The following PATJ variants were observed in gnomAD, a reference collection of about 807,000 sequenced individuals.
The protein encoded by PATJ is PATJ crumbs cell polarity complex component.
PATJ carries 190 observed loss-of-function variants against 224.9 expected under a neutral mutation model. The observed-to-expected ratio is 0.84, with a 90% CI of 0.75 to 0.95. PATJ has a LOEUF of 0.95. Among genes scored for constraint, PATJ ranks in the 40% least tolerant of loss-of-function variants. PATJ has a pLI of 0.00. For synonymous variants in PATJ, 769 were observed against 820.3 expected, an observed-to-expected ratio of 0.94 and a Z score of 1.07; for missense variants, 2,121 against 2,270.3, an observed-to-expected ratio of 0.93 and a Z score of 1.34.
At chr1:61,990,019 CCAG>C in intron 27 of PATJ, 146 bp from the exon 28 acceptor site, 1 of 621,004 alleles carries the variant, frequency 1.6e-6, no homozygotes, top group East Asian at 2.8e-5. Flanking sequence ...CTGCAGCACT[CCAG>C]TCTGCGCAAT....
chr1:61,909,240 A>G (rs1437998697), intron 25 of PATJ, among the ~76,000 whole-genome samples: 1 of 152,188 alleles, frequency 6.6e-6, no homozygotes, highest in Admixed American at 6.5e-5. Context: ...TTGGCCTCCC[A>G]AAGTGCTGTT....
chr1:61,808,432 T>C, intron 13 of PATJ, 42 bp from the exon 14 acceptor site: 1 of 1,223,984 alleles, frequency 8.2e-7, no homozygotes, highest in Non-Finnish European at 1.2e-6. Context: ...GGAAATACAG[T>C]TATGCTTTTA....
intron 29 of PATJ, among the ~76,000 whole-genome samples, chr1:62,030,274 A>G (rs1648962869): frequency 1.3e-5 from 2 of 152,244 alleles, no homozygotes; most frequent in African/African-American, 4.8e-5. Flanking sequence ...GCCATAAAAC[A>G]TTAAATATTT....
chr1:61,961,767 GAGACCA>G (rs1571524823), intron 27 of PATJ, among the ~76,000 whole-genome samples: 1 of 151,974 alleles, frequency 6.6e-6, no homozygotes, highest in Admixed American at 6.6e-5. Flanking sequence ...TCAAGAGTTT[GAGACCA>G]GCCTGACCAA....
intron 17 of PATJ, among the ~76,000 whole-genome samples, chr1:61,845,618 C>T (rs1661810074): frequency 1.3e-5 from 2 of 152,044 alleles, no homozygotes; most frequent in African/African-American, 2.4e-5. Context: ...GACTCCTTGG[C>T]CTTTTTCCTG....
chr1:61,910,730 C>T (rs1672514204), intron 25 of PATJ, among the ~76,000 whole-genome samples: 3 of 151,270 alleles, frequency 2.0e-5, no homozygotes, highest in South Asian at 2.1e-4. Context: ...ATTTTTTTCC[C>T]GCAGACAGGG....
At chr1:62,154,355 C>T (rs1413359201) in intron 43 of PATJ, among the ~76,000 whole-genome samples, 3 of 151,738 alleles carry the variant, frequency 2.0e-5, no homozygotes, top group Non-Finnish European at 4.4e-5. Flanking sequence ...TGTTGAACTG[C>T]TTTGTTTTCC....
intron 21 of PATJ, among the ~76,000 whole-genome samples, chr1:61,878,261 A>C (rs1667608645): frequency 6.6e-6 from 1 of 152,114 alleles, no homozygotes; most frequent in African/African-American, 2.4e-5. Context: ...AGGGGGAGGC[A>C]GACATCAGCA....
intron 22 of PATJ, among the ~76,000 whole-genome samples, chr1:61,890,250 G>C (rs1353785900): frequency 6.6e-6 from 1 of 152,112 alleles, no homozygotes; most frequent in Non-Finnish European, 1.5e-5. Context: ...TGGCCAAGGT[G>C]GGAGAATCGC....
In PATJ at chr1:62,054,828, G is replaced by A. The variant is rs971314049; in HGVS notation, c.4125+3770G>A. On this transcript the variant is annotated intron_variant, in intron 31 of 43. Transcript: ENST00000642238. ...TCCCAGCACTTTGGGATGCCGAGGC[G>A]GGGAGATCAAGAGGTCAAGAGATCG... Among the ~76,000 whole-genome samples, 10 of 152,188 alleles carry A rather than the reference G, an allele frequency of 6.6e-5. No individual in the cohort carries two copies. The South Asian group carries it at 1.0e-3, about 16-fold the overall frequency.
chr1:61,892,843 G>A (rs1669801134), intron 22 of PATJ, among the ~76,000 whole-genome samples: 1 of 152,090 alleles, frequency 6.6e-6, no homozygotes, highest in Non-Finnish European at 1.5e-5. Flanking sequence ...AGAGTCCATA[G>A]TTTAGATTAG....
chr1:62,153,345 A>G lies in PATJ; in HGVS notation c.5379-13A>G, dbSNP rs1301149674. ...TCTATTCTCGAATTAAACAGCATGCATTGTGTTTTCAGAACACCTCCACCT... is the reference window on the plus strand; with the variant it reads ...TCTATTCTCGAATTAAACAGCATGCGTTGTGTTTTCAGAACACCTCCACCT... On this transcript the variant is annotated splice_polypyrimidine_tract_variant and intron_variant, in intron 42 of 43. Coordinates refer to ENST00000642238, the MANE Select transcript of PATJ (RefSeq NM_001350145.3). The G allele has an allele frequency of 4.1e-6, 5 of 1,230,132 alleles. No homozygotes were observed. The highest frequency in any genetic ancestry group is 4.1e-6 in the Non-Finnish European group (4 of 986,328). The allele number at this position is 1,230,132 out of a possible 1,614,324, so 76.2% of individuals were successfully genotyped here. A position where few individuals can be genotyped will look rare whatever the true frequency, so the allele number is the denominator to read the frequency against.
chr1:61,777,699 C>CTT (rs1557626569), intron 7 of PATJ, among the ~76,000 whole-genome samples: 243 of 79,976 alleles, frequency 3.0e-3, no homozygotes, highest in Non-Finnish European at 4.4e-3. Flanking sequence ...TTCTTTCTTT[C>CTT]TTTCTTTTTT....
At chr1:61,926,927 T>C (rs933852800) in intron 26 of PATJ, among the ~76,000 whole-genome samples, 22 of 152,212 alleles carry the variant, frequency 1.4e-4, no homozygotes, top group Admixed American at 1.4e-3. Flanking sequence ...CCAGTTATTT[T>C]GTTTTTTCTG....
intron 39 of PATJ, among the ~76,000 whole-genome samples, chr1:62,127,544 G>A (rs549591501): frequency 1.8e-4 from 28 of 152,046 alleles, no homozygotes; most frequent in South Asian, 8.3e-4. Flanking sequence ...GGTAGTTCAC[G>A]TCTGTAATCC....
chr1:61,746,705 T>G (rs1645042297), intron 1 of PATJ, among the ~76,000 whole-genome samples: 2 of 152,166 alleles, frequency 1.3e-5, no homozygotes, highest in Non-Finnish European at 2.9e-5. Context: ...CCGTAATAAG[T>G]TTAAGCCATA....
At chr1:62,145,715 G>A (rs890354821) in intron 41 of PATJ, among the ~76,000 whole-genome samples, 1 of 151,810 alleles carries the variant, frequency 6.6e-6, no homozygotes, top group African/African-American at 2.4e-5. Flanking sequence ...CAGCACTTTG[G>A]GAGGCCAAGG....
chr1:62,040,631 C>T (rs531396590), intron 30 of PATJ, among the ~76,000 whole-genome samples: 14 of 151,914 alleles, frequency 9.2e-5, no homozygotes, highest in Middle Eastern at 3.4e-3. Flanking sequence ...TGAGCTGGGG[C>T]GTGTTTGAGG....
chr1:61,821,470 T>G (rs1657252629), intron 14 of PATJ, among the ~76,000 whole-genome samples: 2 of 152,140 alleles, frequency 1.3e-5, no homozygotes, highest in Admixed American at 1.3e-4. Context: ...GGGCTAGAAG[T>G]CCCTCATGTG....
Sources: allele counts gnomAD v4.1 joint callset (sites outside exome capture counted in the v4.1 genomes callset), GRCh38; gene constraint gnomAD v4.1.1; transcripts MANE v1.5; gene names NCBI Gene and HGNC (gene_info 2026-07-23, HGNC 2026-07-21).